Variants in ZCCHC7 observed in about 807,000 individuals in gnomAD.
ZCCHC7 encodes zinc finger CCHC-type containing 7, also known as zinc finger CCHC domain-containing protein 7.
A neutral mutation model predicts 52.0 loss-of-function variants in ZCCHC7; 35 were observed. That is an observed-to-expected ratio of 0.67 (90% confidence interval 0.51 to 0.89). The LOEUF is 0.89. ZCCHC7 is among the 40% of genes least tolerant of loss of function. The probability of loss-of-function intolerance (pLI) is 0.00; values close to 1 mark genes in which losing one functional copy is unlikely to be tolerated. For synonymous variants in ZCCHC7, 217 were observed against 221.5 expected (o/e 0.98, Z 0.18); for missense variants, 574 against 649.1 (o/e 0.88, Z 1.26).
chr9:37,269,647 C>CAAAAAAAAAAAAAAAAAA (rs1827305475), intron 2 of ZCCHC7, among the ~76,000 whole-genome samples: 1 of 90,150 alleles, frequency 1.1e-5, no homozygotes, highest in African/African-American at 4.5e-5. Flanking sequence ...AAAAAAAAAA[C>CAAAAAAAAAAAAAAAAAA]AAAAGAAGTT....
At chr9:37,128,075 G>GT (rs1842617272) in intron 2 of ZCCHC7, among the ~76,000 whole-genome samples, 1 of 152,174 alleles carries the variant, frequency 6.6e-6, no homozygotes, top group Non-Finnish European at 1.5e-5. Flanking sequence ...ATCGCGTAAA[G>GT]TTTTTTCCAT....
intron 2 of ZCCHC7, among the ~76,000 whole-genome samples, chr9:37,156,987 T>A (rs894970758): frequency 3.3e-5 from 5 of 151,992 alleles, no homozygotes; most frequent in African/African-American, 1.2e-4. Context: ...GTTGATCCTA[T>A]AAGGTCAAAA....
chr9:37,344,361 TAAAAC>T (rs1820822525), intron 6 of ZCCHC7, among the ~76,000 whole-genome samples: 2 of 152,274 alleles, frequency 1.3e-5, no homozygotes, highest in African/African-American at 4.8e-5. Flanking sequence ...CCATGCCACT[TAAAAC>T]AAATCCGATA....
chr9:37,316,250 G>A (rs1829816520), intron 5 of ZCCHC7, among the ~76,000 whole-genome samples: 1 of 151,686 alleles, frequency 6.6e-6, no homozygotes, highest in Admixed American at 6.6e-5. Context: ...AATACAGATG[G>A]GGTTTCGCCA....
chr9:37,143,645 G>A (rs896323910), intron 2 of ZCCHC7, among the ~76,000 whole-genome samples: 4 of 151,618 alleles, frequency 2.6e-5, no homozygotes, highest in South Asian at 2.1e-4. Context: ...TTTTCAAAAC[G>A]TAGAGTGCTT....
intron 3 of ZCCHC7, 109 bp downstream of exon 3, chr9:37,302,340 T>C (rs1033942734): frequency 3.2e-6 from 3 of 929,912 alleles, no homozygotes; most frequent in Non-Finnish European, 4.9e-6. Context: ...TAAGAAAACA[T>C]TTGATTTTAG....
chr9:37,238,113 C>T (rs1317243686), intron 2 of ZCCHC7, among the ~76,000 whole-genome samples: 1 of 152,064 alleles, frequency 6.6e-6, no homozygotes, highest in Middle Eastern at 3.2e-3. Flanking sequence ...CTCTCTCTGC[C>T]ATGATCTTTT....
At chr9:37,321,123 G>A (rs1325789968) in intron 5 of ZCCHC7, among the ~76,000 whole-genome samples, 3 of 151,478 alleles carry the variant, frequency 2.0e-5, no homozygotes, top group South Asian at 4.2e-4. Context: ...CAAGTAGCTG[G>A]GACTACAGGC....
At chr9:37,254,540 A>G (rs959668265) in intron 2 of ZCCHC7, among the ~76,000 whole-genome samples, 1 of 151,906 alleles carries the variant, frequency 6.6e-6, no homozygotes, top group African/African-American at 2.4e-5. Flanking sequence ...AAAGAACACT[A>G]AAAAAAGGCG....
intron 2 of ZCCHC7, among the ~76,000 whole-genome samples, chr9:37,175,540 A>G (rs1443051575): frequency 6.6e-6 from 1 of 151,966 alleles, no homozygotes; most frequent in East Asian, 1.9e-4. Context: ...CCTTCCTCCA[A>G]ACCCCTCCCC....
At chr9:37,131,136 C>T (rs1221339778) in intron 2 of ZCCHC7, among the ~76,000 whole-genome samples, 8 of 150,542 alleles carry the variant, frequency 5.3e-5, no homozygotes, top group Non-Finnish European at 1.0e-4. Flanking sequence ...GTCGGGAGAT[C>T]GAGACCAGCC....
At chr9:37,342,149 A>C (rs1820679866) in intron 6 of ZCCHC7, among the ~76,000 whole-genome samples, 1 of 152,214 alleles carries the variant, frequency 6.6e-6, no homozygotes, top group African/African-American at 2.4e-5. Context: ...GGACCAGGAC[A>C]GTACTGGTAG....
At chr9:37,161,385 T>C (rs1430510454) in intron 2 of ZCCHC7, among the ~76,000 whole-genome samples, 1 of 152,014 alleles carries the variant, frequency 6.6e-6, no homozygotes, top group Admixed American at 6.5e-5. Context: ...CCATCCTGGC[T>C]AACACGGTGA....
chr9:37,347,768 G>C (rs1197030530), intron 6 of ZCCHC7, among the ~76,000 whole-genome samples: 1 of 152,114 alleles, frequency 6.6e-6, no homozygotes, highest in African/African-American at 2.4e-5. Context: ...ACTCTTTCTA[G>C]AATATCTCAG....
At chr9:37,139,573 T>C (rs1843135366) in intron 2 of ZCCHC7, among the ~76,000 whole-genome samples, 1 of 152,022 alleles carries the variant, frequency 6.6e-6, no homozygotes. Context: ...TACCTTAGAA[T>C]TCCAACTTTT....
intron 2 of ZCCHC7, among the ~76,000 whole-genome samples, chr9:37,151,201 C>T (rs1049900248): frequency 4.0e-5 from 6 of 151,882 alleles, no homozygotes; most frequent in Admixed American, 6.5e-5. Flanking sequence ...CTCCTGACCT[C>T]GTGATCCACC....
At chr9:37,177,581 GTTC>G (rs775803655) in intron 2 of ZCCHC7, among the ~76,000 whole-genome samples, 10 of 152,288 alleles carry the variant, frequency 6.6e-5, no homozygotes, top group Non-Finnish European at 1.3e-4. Context: ...AGATTATGAA[GTTC>G]AGAAAGGGGT....
intron 2 of ZCCHC7, among the ~76,000 whole-genome samples, chr9:37,269,618 CAAA>C (rs1170865355): frequency 2.9e-4 from 8 of 27,222 alleles, no homozygotes; most frequent in African/African-American, 6.2e-4. Flanking sequence ...GACTCTGTCT[CAAA>C]AAAAAAAAAA....
At chr9:37,244,789 A>G (rs1342353269) in intron 2 of ZCCHC7, among the ~76,000 whole-genome samples, 1 of 151,896 alleles carries the variant, frequency 6.6e-6, no homozygotes, top group Non-Finnish European at 1.5e-5. Context: ...TTCACTGTGG[A>G]ATAGAATCCA....
Sources: allele counts gnomAD v4.1 joint callset (sites outside exome capture counted in the v4.1 genomes callset), GRCh38; gene constraint gnomAD v4.1.1; transcripts MANE v1.5; gene names NCBI Gene and HGNC (gene_info 2026-07-23, HGNC 2026-07-21).